Variants in PEX3 observed in about 807,000 individuals in gnomAD.
The protein encoded by PEX3 is peroxisomal biogenesis factor 3.
In PEX3, 30 loss-of-function variants were observed where a neutral mutation model predicts 55.8. The observed-to-expected ratio is 0.54, with a 90% CI of 0.40 to 0.73. The LOEUF (loss-of-function observed/expected upper bound fraction) is 0.73, where lower values mean the gene tolerates loss of function less well. PEX3 is among the 30% of genes least tolerant of loss of function. PEX3 has a pLI of 0.00. For synonymous variants in PEX3, 135 were observed against 148.4 expected (o/e 0.91, Z 0.66); for missense variants, 351 against 432.8 (o/e 0.81, Z 1.68).
In PEX3 at chr6:143,466,323, C is replaced by CG. The variant is rs1430411612; in HGVS notation, c.288-1797dup. Among the ~76,000 whole-genome samples, 4 of 152,038 alleles carry CG rather than the reference C, an allele frequency of 2.6e-5. No individual in the cohort carries two copies. Among genetic ancestry groups the CG allele is most frequent in the Non-Finnish European group, 5.9e-5 (4 of 67,932 alleles). ...CATGAAGAAATCTCCCTTTGTCCAG[C>CG]GGATCCATGCTGTAGATGCTATCTA... On this transcript the variant is annotated intron_variant, in intron 3 of 11. Transcript: ENST00000367591. This position sits in a 1 kb window ranked among gnomAD's most constrained non-coding sequence, Gnocchi z 5.4.
At chr6:143,473,713 A>C (rs1374530593) in intron 8 of PEX3, among the ~76,000 whole-genome samples, 1 of 152,122 alleles carries the variant, frequency 6.6e-6, no homozygotes, top group African/African-American at 2.4e-5. Flanking sequence ...ATTAAAATTA[A>C]AAAAATCAGT....
chr6:143,457,090 G>A (rs370788696), intron 1 of PEX3, among the ~76,000 whole-genome samples: 2 of 152,160 alleles, frequency 1.3e-5, no homozygotes, highest in Admixed American at 1.3e-4. Context: ...ATTCTTAGCT[G>A]TGCAAAAAGT....
At chr6:143,456,185 C>T (rs1227864464) in intron 1 of PEX3, among the ~76,000 whole-genome samples, 2 of 152,142 alleles carry the variant, frequency 1.3e-5, no homozygotes, top group African/African-American at 4.8e-5. Context: ...AATTTAGACA[C>T]AGAGGGAGGA....
At position 143,471,691 on chromosome 6, in the gene PEX3, G is replaced by T. The variant is rs1272275300; in HGVS notation, c.578+80G>T. ...AATTAGAATTGTTCTAGTGAAACCA[G>T]TGACTTGACAAACGGTGATTTGTGA... On this transcript the variant is annotated intron_variant, in intron 7 of 11. Transcript: ENST00000367591. The surrounding 1 kb of genome is among the most constrained non-coding windows in gnomAD (Gnocchi z 5.4). 6 of 989,792 alleles carry T rather than the reference G, an allele frequency of 6.1e-6. No homozygotes were observed. Among genetic ancestry groups the T allele is most frequent in the Non-Finnish European group, 8.1e-6 (5 of 613,912 alleles). The allele number at this position is 989,792 out of a possible 1,614,324, so 61.3% of individuals were successfully genotyped here.
chr6:143,480,684 T>C (rs1485026269), intron 10 of PEX3, among the ~76,000 whole-genome samples: 1 of 152,184 alleles, frequency 6.6e-6, no homozygotes, highest in Non-Finnish European at 1.5e-5. Flanking sequence ...CCTATTGTCA[T>C]CATTGTTTAA....
chr6:143,478,830 A>T (rs984786568), intron 9 of PEX3, among the ~76,000 whole-genome samples: 7 of 152,108 alleles, frequency 4.6e-5, no homozygotes, highest in East Asian at 1.9e-4. Context: ...GATATTTTTT[A>T]AAAAATTCAT....
In PEX3 at chr6:143,462,849, G is replaced by T. The variant is rs1779942754; in HGVS notation, c.206-67G>T. 8.6e-6 allele frequency: 10 copies of T among 1,168,476 alleles called. No homozygotes were observed. In the South Asian group the frequency reaches 1.2e-4, roughly 14 times the overall value. 72.4% of individuals were successfully genotyped at this position (1,168,476 alleles called of 1,614,324 possible). A position where few individuals can be genotyped will look rare whatever the true frequency, so the allele number is the denominator to read the frequency against. The stretch of plus-strand genomic sequence containing the variant: ...GCCCTATCATATAGCCTAAAACAAT[G>T]CGCATTTCTTAGTGAGGGCAGTCAT... On this transcript the variant is annotated intron_variant, in intron 2 of 11. Transcript: ENST00000367591. This position sits in a 1 kb window ranked among gnomAD's most constrained non-coding sequence, Gnocchi z 4.1.
chr6:143,460,755 T>C (rs1779907057), intron 2 of PEX3, among the ~76,000 whole-genome samples: 2 of 151,426 alleles, frequency 1.3e-5, no homozygotes, highest in African/African-American at 4.9e-5. Context: ...TCCCAACTAC[T>C]TGGGAGGCTG....
chr6:143,477,676 A>G (rs1055610316), intron 9 of PEX3, among the ~76,000 whole-genome samples: 3 of 152,154 alleles, frequency 2.0e-5, no homozygotes, highest in African/African-American at 4.8e-5. Flanking sequence ...TCAATTCAAT[A>G]ATAAGAATAA....
chr6:143,468,495 G>A (rs960280721), intron 4 of PEX3, among the ~76,000 whole-genome samples: 9 of 151,956 alleles, frequency 5.9e-5, no homozygotes, highest in African/African-American at 2.2e-4. Context: ...ATATTGTATT[G>A]TAAATTTTTG....
intron 9 of PEX3, among the ~76,000 whole-genome samples, chr6:143,477,334 G>T (rs1306115084): frequency 6.6e-6 from 1 of 152,136 alleles, no homozygotes; most frequent in Admixed American, 6.6e-5. Context: ...TGTCTGTTTA[G>T]CTCACCAATG....
chr6:143,476,615 T>C lies in PEX3; in HGVS notation c.818+1759T>C, dbSNP rs4896662. On this transcript the variant is annotated intron_variant, in intron 9 of 11. Transcript: ENST00000367591. The surrounding 1 kb of genome is among the most constrained non-coding windows in gnomAD (Gnocchi z 5.4). ...AGATTTATTTTTAAGGTTGAACCAG[T>C]AGTACTTGTGGAATTATTTAGTGTG... Among the ~76,000 whole-genome samples, 2,766 of 152,222 alleles carry C rather than the reference T, an allele frequency of 0.018. 104 individuals carry two copies. Among genetic ancestry groups the C allele is most frequent in the Admixed American group, 0.073 (1,113 of 15,284 alleles).
At chr6:143,455,169 G>A (rs895770854) in intron 1 of PEX3, among the ~76,000 whole-genome samples, 1 of 115,062 alleles carries the variant, frequency 8.7e-6, no homozygotes, top group Non-Finnish European at 1.7e-5. Context: ...ACATTTGGGG[G>A]TATTTTCTTT....
At chr6:143,467,730 T>C (rs1433158889) in intron 3 of PEX3, among the ~76,000 whole-genome samples, 1 of 152,166 alleles carries the variant, frequency 6.6e-6, no homozygotes, top group Non-Finnish European at 1.5e-5. Context: ...ACATGAAATA[T>C]ATGTGTAAAT....
In PEX3 at chr6:143,486,122, C is replaced by A. The variant is rs1398637452; in HGVS notation, c.1038+874C>A. ...GTGTCATCAGCCTGTCCTTCACATG[C>A]ACATTTTCCCACACTGGACTCTTCA... is the stretch of plus-strand genomic sequence containing the variant. On this transcript the variant is annotated intron_variant, in intron 11 of 11. Transcript: ENST00000367591. The surrounding 1 kb of genome is among the most constrained non-coding windows in gnomAD (Gnocchi z 5.0). Among the ~76,000 whole-genome samples, 1 of 152,112 alleles carries A rather than the reference C, an allele frequency of 6.6e-6. No individual in the cohort carries two copies. Among genetic ancestry groups the A allele is most frequent in the African/African-American group, 2.4e-5 (1 of 41,444 alleles).
intron 4 of PEX3, among the ~76,000 whole-genome samples, chr6:143,470,199 C>T (rs1048898779): frequency 2.0e-4 from 31 of 152,162 alleles, no homozygotes; most frequent in South Asian, 6.2e-4. Context: ...CCGCCCGCCT[C>T]GGCCTCCCAA....
Position 143,471,984 on chromosome 6 carries a change from C to T in PEX3, c.579-176C>T. 6.6e-6 allele frequency among the ~76,000 whole-genome samples: 1 copy of T among 152,096 alleles called. No homozygotes were observed. Among genetic ancestry groups the T allele is most frequent in the Middle Eastern group, 3.2e-3 (1 of 316 alleles). On this transcript the variant is annotated intron_variant, in intron 7 of 11. Transcript: ENST00000367591. This position sits in a 1 kb window ranked among gnomAD's most constrained non-coding sequence, Gnocchi z 5.4. ...ATCCAGAGAAATACTTTTCTTGGCT[C>T]TGTAGTAATGGCCCTTAACTAGTGG...
At chr6:143,469,370 A>G (rs1206108774) in intron 4 of PEX3, among the ~76,000 whole-genome samples, 5 of 152,174 alleles carry the variant, frequency 3.3e-5, no homozygotes, top group Non-Finnish European at 7.3e-5. Context: ...TCGCCATTCT[A>G]ACTGGTGTGA....
intron 3 of PEX3, 45 bp from the exon 4 acceptor site, chr6:143,468,077 A>G: frequency 9.9e-7 from 1 of 1,008,556 alleles, no homozygotes; most frequent in Non-Finnish European, 1.5e-6. Context: ...TTTCTATTAG[A>G]TTATCTAGAT....
Sources: allele counts gnomAD v4.1 joint callset (sites outside exome capture counted in the v4.1 genomes callset), GRCh38; gene constraint gnomAD v4.1.1; non-coding constraint Gnocchi (gnomAD v3.1); transcripts MANE v1.5; gene names NCBI Gene and HGNC (gene_info 2026-07-23, HGNC 2026-07-21).